Variants in TACC2 observed in about 807,000 individuals in gnomAD.
The protein encoded by TACC2 is transforming acidic coiled-coil containing protein 2, also known as transforming acidic coiled-coil-containing protein 2.
A neutral mutation model predicts 227.3 loss-of-function variants in TACC2; 137 were observed. The observed-to-expected ratio is 0.60, with a 90% confidence interval of 0.52 to 0.69. The LOEUF (loss-of-function observed/expected upper bound fraction) is 0.69. Among genes scored for constraint, TACC2 ranks in the 30% least tolerant of loss-of-function variants. TACC2 has a pLI of 0.00. For synonymous variants in TACC2, 1,523 were observed against 1,487.5 expected (o/e 1.02, Z -0.55); for missense variants, 3,470 against 3,694.4 (o/e 0.94, Z 1.57).
At chr10:121,991,115 G>T (rs978711519) in intron 1 of TACC2, among the ~76,000 whole-genome samples, 1 of 152,106 alleles carries the variant, frequency 6.6e-6, no homozygotes, top group Admixed American at 6.6e-5. Flanking sequence ...AAATGCCTTT[G>T]TTATCATTTT....
chr10:122,154,188 T>C (rs1355559263), intron 7 of TACC2, among the ~76,000 whole-genome samples: 1 of 152,226 alleles, frequency 6.6e-6, no homozygotes, highest in Non-Finnish European at 1.5e-5. Context: ...ATTCATATGC[T>C]CATAGTTATT....
At chr10:122,127,811 C>T (rs772109836) in intron 5 of TACC2, among the ~76,000 whole-genome samples, 1 of 152,208 alleles carries the variant, frequency 6.6e-6, no homozygotes, top group Non-Finnish European at 1.5e-5. Flanking sequence ...CCGGAGCTGA[C>T]AGCACAAAGT....
intron 3 of TACC2, among the ~76,000 whole-genome samples, chr10:122,076,208 C>T (rs1023307157): frequency 3.3e-5 from 5 of 152,146 alleles, no homozygotes; most frequent in Non-Finnish European, 5.9e-5. Flanking sequence ...TGGCGCAGGA[C>T]ATCACTGGTA....
At chr10:122,033,213 T>C in intron 2 of TACC2, 1 of 1,162,188 alleles carries the variant, frequency 8.6e-7, no homozygotes. Flanking sequence ...AACGTCTAGA[T>C]GGTTGCAAAC....
At chr10:122,133,230 C>T (rs1184364824) in intron 6 of TACC2, among the ~76,000 whole-genome samples, 2 of 152,250 alleles carry the variant, frequency 1.3e-5, no homozygotes, top group South Asian at 2.1e-4. Context: ...GGGTCCCCGC[C>T]CCTGCCCTTC....
chr10:122,210,822 C>T lies in TACC2; in HGVS notation c.6397C>T (p.Pro2133Ser), dbSNP rs2095273962. Residue 2133 changes from proline (P) to serine (S), a missense_variant, in exon 9 of 23, where the codon CCT becomes TCT. By Grantham distance (74) the Pro-to-Ser change is moderately conservative. Coordinates refer to ENST00000369005, the MANE Select transcript of TACC2 (RefSeq NM_206862.4). This position sits in a 1 kb window ranked among gnomAD's most constrained non-coding sequence, Gnocchi z 4.6. ...TLKRTKKPRP[P>S]SLKKKQTTKK... ...TAAGCGAACTAAAAAACCGAGGCCG[C>T]CTTCCTTAAAAAAGAAACAGACCAC... 2 of 1,611,924 alleles carry T rather than the reference C, an allele frequency of 1.2e-6. No homozygotes were observed. The highest frequency in any genetic ancestry group is 1.1e-5 in the South Asian group (1 of 90,906).
At position 122,141,033 on chromosome 10, in the gene TACC2, A is replaced by G. The variant is rs1039481913; in HGVS notation, c.5700-2539A>G. 2.0e-5 allele frequency among the ~76,000 whole-genome samples: 3 copies of G among 152,218 alleles called. No homozygotes were observed. The highest frequency in any genetic ancestry group is 4.4e-5 in the Non-Finnish European group (3 of 68,040). Reference sequence around the variant, plus strand: ...GCAGGATAGCCCAGGAGTCCTGCTCAGAGAGGGCAGATTCCAGAAGGAGAA... The same window carrying G: ...GCAGGATAGCCCAGGAGTCCTGCTCGGAGAGGGCAGATTCCAGAAGGAGAA... On this transcript the variant is annotated intron_variant, in intron 6 of 22. Transcript: ENST00000369005. The surrounding 1 kb of genome is among the most constrained non-coding windows in gnomAD (Gnocchi z 4.3).
intron 2 of TACC2, among the ~76,000 whole-genome samples, chr10:122,048,686 G>T (rs1344853029): frequency 6.6e-6 from 1 of 152,086 alleles, no homozygotes; most frequent in Non-Finnish European, 1.5e-5. Flanking sequence ...TCACACAATG[G>T]CATTGTCTGC....
intron 5 of TACC2, among the ~76,000 whole-genome samples, chr10:122,103,536 T>C (rs1321851188): frequency 6.6e-6 from 1 of 152,262 alleles, no homozygotes; most frequent in Non-Finnish European, 1.5e-5. Flanking sequence ...ATTACCTTTT[T>C]GGTGTTCTTT....
At chr10:122,220,262 CTGAG>C (rs1468882242) in intron 11 of TACC2, among the ~76,000 whole-genome samples, 1 of 152,066 alleles carries the variant, frequency 6.6e-6, no homozygotes, top group Non-Finnish European at 1.5e-5. Context: ...AACTTACTAG[CTGAG>C]TGACATATTT....
rs373995077 is a variant in TACC2, at chr10:122,170,374, G to A, written c.5835-24666G>A. ...CAGCCTCCGTCTCCTGGGTTCAAGC[G>A]ATTCTCCTGCCTCAGCCTCCCAAGT... On this transcript the variant is annotated intron_variant, in intron 7 of 22. Transcript: ENST00000369005. Among the ~76,000 whole-genome samples, 10 of 148,616 alleles carry A rather than the reference G, an allele frequency of 6.7e-5. No homozygotes were observed. The East Asian group carries it at 1.4e-3, about 21-fold the overall frequency.
In TACC2 at chr10:122,241,958, G is replaced by A. The variant is rs1564820315; in HGVS notation, c.8349G>A (p.Arg2783=). ...CAACGTGTCTTTACTTCTCTTATAG[G>A]AAAATAGTGGCCGAGTATGAGAAGA... ...EESRREVMEM[R]KIVAEYEKTI... Residue 2783 remains arginine (R), a splice_region_variant and synonymous_variant, in exon 19 of 23, where the codon AGG becomes AGA. Coordinates refer to ENST00000369005, the MANE Select transcript of TACC2 (RefSeq NM_206862.4). 6.2e-7 allele frequency: 1 copy of A among 1,614,134 alleles called. No individual in the cohort carries two copies. Among genetic ancestry groups the A allele is most frequent in the Non-Finnish European group, 8.5e-7 (1 of 1,179,960 alleles).
chr10:122,053,553 T>G (rs2075924700), intron 3 of TACC2, among the ~76,000 whole-genome samples: 1 of 152,124 alleles, frequency 6.6e-6, no homozygotes, highest in Non-Finnish European at 1.5e-5. Flanking sequence ...GTGATGCCAG[T>G]GACCACACTG....
chr10:122,249,535 T>A lies in TACC2; in HGVS notation c.8661-9T>A, dbSNP rs1422441571. On this transcript the variant is annotated splice_polypyrimidine_tract_variant and intron_variant, in intron 21 of 22. Transcript: ENST00000369005. ...AAGAGTGATAATTCTGAGCTCCCTG[T>A]CTCCGCAGGGCCAATGCTGAGATTG... The A allele has an allele frequency of 1.9e-6, 3 of 1,613,066 alleles. No individual in the cohort carries two copies. The highest frequency in any genetic ancestry group is 1.7e-5 in the Admixed American group (1 of 59,966).
At chr10:122,206,577 G>A (rs1414103930) in intron 8 of TACC2, among the ~76,000 whole-genome samples, 3 of 152,202 alleles carry the variant, frequency 2.0e-5, no homozygotes, top group African/African-American at 7.2e-5. Flanking sequence ...CCTTGGACTT[G>A]CAGCCTCCAG....
intron 6 of TACC2, among the ~76,000 whole-genome samples, chr10:122,134,378 A>G (rs1380328590): frequency 6.6e-6 from 1 of 151,712 alleles, no homozygotes; most frequent in African/African-American, 2.4e-5. Context: ...GGATTTTGCC[A>G]TGTTGGCCAG....
intron 7 of TACC2, among the ~76,000 whole-genome samples, chr10:122,161,969 G>T (rs1218765022): frequency 6.6e-6 from 1 of 152,194 alleles, no homozygotes; most frequent in Non-Finnish European, 1.5e-5. Context: ...GGATGAACAG[G>T]TTGCAGGATC....
intron 7 of TACC2, among the ~76,000 whole-genome samples, chr10:122,165,183 G>T (rs2093082819): frequency 2.0e-5 from 3 of 152,210 alleles, no homozygotes; most frequent in Admixed American, 2.0e-4. Context: ...TAAATGTTAT[G>T]ATCCTTGTGC....
intron 2 of TACC2, among the ~76,000 whole-genome samples, chr10:122,025,768 G>A (rs2135626808): frequency 6.7e-6 from 1 of 150,042 alleles, no homozygotes; most frequent in East Asian, 2.0e-4. Flanking sequence ...TAGAGATGGG[G>A]TTTCACTGTG....
Sources: gnomAD v4.1 joint callset for allele counts (sites outside exome capture counted in the v4.1 genomes callset) on GRCh38, gnomAD v4.1.1 for gene constraint, Gnocchi (gnomAD v3.1) non-coding constraint, MANE v1.5 for transcripts, NCBI Gene and HGNC (gene_info 2026-07-23, HGNC 2026-07-21) for gene names.